UBXN10: variants seen among roughly 807,000 people sequenced by gnomAD.
UBXN10 encodes UBX domain-containing protein 10.
In UBXN10, 6 loss-of-function variants were observed where a neutral mutation model predicts 6.9. That is an observed-to-expected ratio of 0.87 (90% CI 0.48 to 1.72). The LOEUF is 1.72. Ranked by LOEUF, UBXN10 falls within the 40% of genes most tolerant of loss-of-function variation. The pLI is 0.01. For synonymous variants in UBXN10, 131 were observed against 135.2 expected, an observed-to-expected ratio of 0.97 and a Z score of 0.21; for missense variants, 317 against 348.4, an observed-to-expected ratio of 0.91 and a Z score of 0.72.
upstream of UBXN10, among the ~76,000 whole-genome samples, chr1:20,185,337 G>A (rs1210961897): frequency 1.3e-5 from 2 of 152,188 alleles, no homozygotes; most frequent in African/African-American, 4.8e-5. Context: ...GATGGAAGGA[G>A]AGTAGGACTC....
intron 1 of UBXN10, 67 bp from the exon 2 acceptor site, chr1:20,190,480 A>C: frequency 3.3e-6 from 5 of 1,508,216 alleles, no homozygotes; most frequent in Non-Finnish European, 4.4e-6. Flanking sequence ...CAGGGAGGGA[A>C]TGGCTTGGAT....
At position 20,190,919 on chromosome 1, in the gene UBXN10, A is replaced by G; in HGVS notation, c.358A>G (p.Ile120Val). 1 of 1,614,120 alleles carries G rather than the reference A, an allele frequency of 6.2e-7. No homozygotes were observed. The highest frequency in any genetic ancestry group is 8.5e-7 in the Non-Finnish European group (1 of 1,180,024). ...CAATAAGTATCCAGTCCTTCCTTCC[A>G]TCAACAGAAAGAACCTGGAGGAGGA... ...SLNKYPVLPSINRKNLEEEAV... is the reference protein window; with the variant it reads ...SLNKYPVLPSVNRKNLEEEAV... Residue 120 changes from isoleucine to valine, a missense_variant, in exon 2 of 2, where the codon ATC becomes GTC. Transcript: ENST00000375099.
intron 1 of UBXN10, among the ~76,000 whole-genome samples, chr1:20,189,769 G>A (rs537111882): frequency 6.6e-6 from 1 of 152,268 alleles, no homozygotes; most frequent in South Asian, 2.1e-4. Context: ...AAAGAAATGT[G>A]AGCAGCTAGC....
rs913202579 is a variant in UBXN10 at position 20,190,816 on chromosome 1, C to G, written c.255C>G (p.Pro85=). Residue 85 remains proline, a synonymous_variant, in exon 2 of 2, where the codon CCC becomes CCG. Coordinates refer to ENST00000375099, the MANE Select transcript of UBXN10 (RefSeq NM_152376.5). ...GCCAAAAACCAGGAGCCTGTGCACCCAAATCTCCAAACCAGGGAGCTTCTG... is the reference window on the plus strand; with the variant it reads ...GCCAAAAACCAGGAGCCTGTGCACCGAAATCTCCAAACCAGGGAGCTTCTG... ...PSSQKPGACA[P]KSPNQGASDE... 1.9e-6 allele frequency: 3 copies of G among 1,613,992 alleles called. No individual in the cohort carries two copies. Among genetic ancestry groups the G allele is most frequent in the African/African-American group, 1.3e-5 (1 of 75,026 alleles).
At chr1:20,190,129 T>C (rs993961899) in intron 1 of UBXN10, among the ~76,000 whole-genome samples, 1 of 152,162 alleles carries the variant, frequency 6.6e-6, no homozygotes, top group Non-Finnish European at 1.5e-5. Flanking sequence ...AAATTCAAAT[T>C]TCAGAGTCCA....
chr1:20,187,552 G>A lies in UBXN10; in HGVS notation c.-16+1399G>A, dbSNP rs754822195. Among the ~76,000 whole-genome samples, 191 of 152,160 alleles carry A rather than the reference G, an allele frequency of 1.3e-3. No individual in the cohort carries two copies. The highest frequency in any genetic ancestry group is 4.6e-3 in the Admixed American group (70 of 15,284). On this transcript the variant is annotated intron_variant, in intron 1 of 1. Coordinates refer to ENST00000375099, the MANE Select transcript of UBXN10 (RefSeq NM_152376.5). The surrounding 1 kb of genome is among the most constrained non-coding windows in gnomAD (Gnocchi z 4.6). Reference sequence around the variant, plus strand: ...GCTGGGGAGAGCTGGTGTTCCCTCCGTGTAACAGATGGTCCCTGTGCTCGG... The same window carrying A: ...GCTGGGGAGAGCTGGTGTTCCCTCCATGTAACAGATGGTCCCTGTGCTCGG...
rs1045261330 is a variant in UBXN10, at chr1:20,187,335, G to A, written c.-16+1182G>A. On this transcript the variant is annotated intron_variant, in intron 1 of 1. Transcript: ENST00000375099. This position sits in a 1 kb window ranked among gnomAD's most constrained non-coding sequence, Gnocchi z 4.6. ...GCCTACGCCTAGATCTTGTCAAATC[G>A]GTTTGTGGTTGAGTGGCTGCCAGGC... is the stretch of plus-strand genomic sequence containing the variant. 1.3e-5 allele frequency among the ~76,000 whole-genome samples: 2 copies of A among 152,172 alleles called. No individual in the cohort carries two copies. The highest frequency in any genetic ancestry group is 2.9e-5 in the Non-Finnish European group (2 of 68,040).
chr1:20,187,016 G>A lies in UBXN10; in HGVS notation c.-16+863G>A, dbSNP rs1449220294. 1.3e-5 allele frequency among the ~76,000 whole-genome samples: 2 copies of A among 152,218 alleles called. No individual in the cohort carries two copies. The highest frequency in any genetic ancestry group is 2.9e-5 in the Non-Finnish European group (2 of 68,034). Reference sequence around the variant, plus strand: ...GGTATGTAGGTGGTTATATTTTACTGCATATACTGTAGGCTTAGATTTGGG... The same window carrying A: ...GGTATGTAGGTGGTTATATTTTACTACATATACTGTAGGCTTAGATTTGGG... On this transcript the variant is annotated intron_variant, in intron 1 of 1. Transcript: ENST00000375099. The surrounding 1 kb of genome is among the most constrained non-coding windows in gnomAD (Gnocchi z 4.6).
upstream of UBXN10, among the ~76,000 whole-genome samples, chr1:20,185,680 C>CA (rs906302983): frequency 2.6e-5 from 4 of 152,176 alleles, no homozygotes; most frequent in African/African-American, 7.2e-5. Context: ...AGCATCCACT[C>CA]AGAGTTTAGG....
rs924193933 is a variant in UBXN10, at chr1:20,194,568, G to A, written c.*3164G>A. On this transcript the variant is annotated 3_prime_UTR_variant, in exon 2 of 2. Coordinates refer to ENST00000375099, the MANE Select transcript of UBXN10 (RefSeq NM_152376.5). ...ATTCATTCCAATTAATAACCTTAAA[G>A]ACTAGAGCCAGATCCACCTGCATTA... 1 of 167,046 alleles carries A rather than the reference G, an allele frequency of 6.0e-6. No individual in the cohort carries two copies. Among genetic ancestry groups the A allele is most frequent in the African/African-American group, 2.4e-5 (1 of 41,442 alleles). 10.3% of individuals were successfully genotyped at this position (167,046 alleles called of 1,614,324 possible).
rs909452760 is a variant in UBXN10 at position 20,187,653 on chromosome 1, A to G, written c.-16+1500A>G. Among the ~76,000 whole-genome samples, 2 of 152,186 alleles carry G rather than the reference A, an allele frequency of 1.3e-5. No homozygotes were observed. Among genetic ancestry groups the G allele is most frequent in the African/African-American group, 4.8e-5 (2 of 41,454 alleles). On this transcript the variant is annotated intron_variant, in intron 1 of 1. Transcript: ENST00000375099. This position sits in a 1 kb window ranked among gnomAD's most constrained non-coding sequence, Gnocchi z 4.6. Reference sequence around the variant, plus strand: ...AGGAGGTGTTAGTCTCTAAATAACCATGAGTGGGCTCCTAGGAATTAGTCA... The same window carrying G: ...AGGAGGTGTTAGTCTCTAAATAACCGTGAGTGGGCTCCTAGGAATTAGTCA...
upstream of UBXN10, among the ~76,000 whole-genome samples, chr1:20,183,642 A>G (rs1432034230): frequency 6.6e-6 from 1 of 152,066 alleles, no homozygotes; most frequent in Non-Finnish European, 1.5e-5. Context: ...AGAGCACATG[A>G]GCTTTTGTGG....
At chr1:20,190,517 C>A in intron 1 of UBXN10, 30 bp from the exon 2 acceptor site, 2 of 1,570,180 alleles carry the variant, frequency 1.3e-6, no homozygotes, top group Non-Finnish European at 1.7e-6. Flanking sequence ...GTTTAACCCA[C>A]GGACTCCTGT....
rs866127542 is a variant in UBXN10, at chr1:20,187,749, C to G, written c.-16+1596C>G. Among the ~76,000 whole-genome samples the G allele has an allele frequency of 6.6e-6, 1 of 152,068 alleles. No individual in the cohort carries two copies. Among genetic ancestry groups the G allele is most frequent in the Non-Finnish European group, 1.5e-5 (1 of 68,010 alleles). On this transcript the variant is annotated intron_variant, in intron 1 of 1. Transcript: ENST00000375099. This position sits in a 1 kb window ranked among gnomAD's most constrained non-coding sequence, Gnocchi z 4.6. ...TGACCAGGGTGTCTTGAATATGACA[C>G]CCCCTGAACATGGATAATTATATGG... is the stretch of plus-strand genomic sequence containing the variant.
chr1:20,184,925 G>A (rs937694485), upstream of UBXN10, among the ~76,000 whole-genome samples: 9 of 152,072 alleles, frequency 5.9e-5, no homozygotes, highest in East Asian at 1.9e-4. Context: ...AGGCTGAGGC[G>A]GGAGGATCAC....
rs1283565369 is a variant in UBXN10 at position 20,194,049 on chromosome 1, AC to A, written c.*2648del. On this transcript the variant is annotated 3_prime_UTR_variant, in exon 2 of 2. Coordinates refer to ENST00000375099, the MANE Select transcript of UBXN10 (RefSeq NM_152376.5). ...AGAAAGTGTTGGCAAGAAAACATGA[AC>A]CCACCATTGGACTCTCAACTCAAAC... The A allele has an allele frequency of 6.0e-6, 1 of 167,062 alleles. No homozygotes were observed. The highest frequency in any genetic ancestry group is 6.5e-5 in the Admixed American group (1 of 15,284). The allele number at this position is 167,062 out of a possible 1,614,324, so 10.3% of individuals were successfully genotyped here.
intron 1 of UBXN10, among the ~76,000 whole-genome samples, chr1:20,188,482 G>A (rs2018436429): frequency 6.6e-6 from 1 of 152,200 alleles, no homozygotes; most frequent in African/African-American, 2.4e-5. Flanking sequence ...CTTAAAATTA[G>A]GCAGCAGTGG....
chr1:20,188,325 C>T (rs1396722595), intron 1 of UBXN10, among the ~76,000 whole-genome samples: 1 of 152,108 alleles, frequency 6.6e-6, no homozygotes, highest in Non-Finnish European at 1.5e-5. Flanking sequence ...GAGAGAGACT[C>T]AGGCTGTGAG....
Position 20,191,094 on chromosome 1 carries a change from C to A in UBXN10, c.533C>A (p.Thr178Asn). ...CAVERKFIVR[T>N]KKQGSSRAGN... ...GTGGAGAGGAAATTCATCGTCCGAA[C>A]CAAGAAACAGGGCTCTTCCAGGGCT... The change falls in exon 2 of 2, where the codon ACC (threonine) becomes AAC (asparagine). Residue 178 changes from threonine to asparagine, a missense_variant. Physicochemically the swap from Thr to Asn is moderately conservative, Grantham distance 65. Transcript: ENST00000375099. This position sits in a 1 kb window ranked among gnomAD's most constrained non-coding sequence, Gnocchi z 4.5. 6.2e-7 allele frequency: 1 copy of A among 1,614,116 alleles called. No individual in the cohort carries two copies. Among genetic ancestry groups the A allele is most frequent in the Non-Finnish European group, 8.5e-7 (1 of 1,180,032 alleles).
Sources: gnomAD v4.1 joint callset for allele counts (sites outside exome capture counted in the v4.1 genomes callset) on GRCh38, gnomAD v4.1.1 for gene constraint, Gnocchi (gnomAD v3.1) non-coding constraint, MANE v1.5 for transcripts, NCBI Gene and HGNC (gene_info 2026-07-23, HGNC 2026-07-21) for gene names.